The following TNKS variants were observed in gnomAD, a reference collection of about 807,000 sequenced individuals.
TNKS encodes tankyrase, also known as poly [ADP-ribose] polymerase tankyrase-1.
TNKS carries 72 observed loss-of-function variants against 135.8 expected under a neutral mutation model. That is an observed-to-expected ratio of 0.53 (90% confidence interval 0.44 to 0.64). The LOEUF (loss-of-function observed/expected upper bound fraction) is 0.64, where lower values mean the gene tolerates loss of function less well. Ranked by LOEUF, TNKS falls within the 30% of genes least tolerant of loss-of-function variation. TNKS has a pLI of 0.00. For missense variants in TNKS, 1,769 were observed against 1,674.0 expected (o/e 1.06, Z -0.99); for synonymous variants, 849 against 649.3 (o/e 1.31, Z -4.68).
chr8:9,746,250 A>G (rs1806228963), intron 17 of TNKS, among the ~76,000 whole-genome samples: 1 of 152,224 alleles, frequency 6.6e-6, no homozygotes, highest in African/African-American at 2.4e-5. Flanking sequence ...AACCAGCCTA[A>G]CATCCTAAAT....
intron 1 of TNKS, chr8:9,575,145 G>T (rs1797898308): frequency 2.3e-6 from 2 of 876,966 alleles, no homozygotes; most frequent in South Asian, 5.3e-5. Flanking sequence ...GGAGTATAGG[G>T]GCGCGATCTC....
chr8:9,716,781 C>T (rs2128811216), intron 11 of TNKS, among the ~76,000 whole-genome samples: 1 of 151,890 alleles, frequency 6.6e-6, no homozygotes, highest in East Asian at 1.9e-4. Context: ...ATTCTTCTTT[C>T]TGCAGACTGG....
intron 25 of TNKS, among the ~76,000 whole-genome samples, chr8:9,768,307 T>G (rs1807590549): frequency 6.6e-6 from 1 of 152,176 alleles, no homozygotes; most frequent in South Asian, 2.1e-4. Flanking sequence ...ATTCATGAGC[T>G]GGCCACAGTC....
chr8:9,606,133 G>A (rs1033778884), intron 2 of TNKS, among the ~76,000 whole-genome samples: 1 of 90,402 alleles, frequency 1.1e-5, no homozygotes, highest in Non-Finnish European at 2.2e-5. Context: ...TTTGTGTGGT[G>A]TGCGGTAAGA....
chr8:9,661,265 T>C (rs919321771), intron 3 of TNKS, among the ~76,000 whole-genome samples: 19 of 152,112 alleles, frequency 1.2e-4, no homozygotes, highest in Non-Finnish European at 2.1e-4. Context: ...AAAAAGAGCC[T>C]GCATTGCCAA....
intron 12 of TNKS, among the ~76,000 whole-genome samples, chr8:9,722,990 T>C (rs1256108251): frequency 6.6e-6 from 1 of 152,150 alleles, no homozygotes; most frequent in Admixed American, 6.5e-5. Context: ...TTTCTTCGAT[T>C]ATTTTGATAA....
At chr8:9,727,074 T>C (rs945994151) in intron 13 of TNKS, among the ~76,000 whole-genome samples, 3 of 152,214 alleles carry the variant, frequency 2.0e-5, no homozygotes, top group Non-Finnish European at 4.4e-5. Context: ...ATTCACAAAA[T>C]GTATAAACTA....
At chr8:9,704,617 T>C (rs771595678) in intron 5 of TNKS, 46 bp from the exon 6 acceptor site, 1 of 1,472,848 alleles carries the variant, frequency 6.8e-7, no homozygotes, top group Non-Finnish European at 9.4e-7. Flanking sequence ...AGGATTTTCT[T>C]TGTTTGTTTG....
chr8:9,754,962 T>G (rs1341172389), intron 20 of TNKS, among the ~76,000 whole-genome samples: 1 of 152,244 alleles, frequency 6.6e-6, no homozygotes, highest in Non-Finnish European at 1.5e-5. Flanking sequence ...CATTATACTC[T>G]GCTGTTCCCA....
chr8:9,590,314 A>G (rs913960483), intron 2 of TNKS, among the ~76,000 whole-genome samples: 1 of 151,742 alleles, frequency 6.6e-6, no homozygotes, highest in African/African-American at 2.4e-5. Flanking sequence ...TGCCTGCGGT[A>G]CTCTTTCCCC....
intron 3 of TNKS, among the ~76,000 whole-genome samples, chr8:9,640,105 C>A (rs917409352): frequency 6.6e-6 from 1 of 152,072 alleles, no homozygotes; most frequent in African/African-American, 2.4e-5. Context: ...CTTGATTATA[C>A]CAAAGTTAGG....
At position 9,709,963 on chromosome 8, in the gene TNKS, T is replaced by C. The variant is rs368779508; in HGVS notation, c.1587T>C (p.Ala529=). The change falls in exon 10 of 27, where the codon GCT becomes GCC. Residue 529 remains alanine, a synonymous_variant. Transcript: ENST00000310430. ...TTTTGTTTACTTTATAGCACTGTGCTGTGGCCTCTCTGCATCCCAAACGTA... is the reference window on the plus strand; with the variant it reads ...TTTTGTTTACTTTATAGCACTGTGCCGTGGCCTCTCTGCATCCCAAACGTA... The part of the protein sequence containing the change: ...PQSHETALHC[A]VASLHPKRKQ... The C allele has an allele frequency of 3.8e-5, 61 of 1,613,568 alleles. No individual in the cohort carries two copies. The East Asian group carries it at 5.3e-4, about 14-fold the overall frequency.
rs142079845 is a variant in TNKS at position 9,707,515 on chromosome 8, C to T, written c.1456+518C>T. 3.0e-3 allele frequency among the ~76,000 whole-genome samples: 456 copies of T among 152,206 alleles called. 3 individuals carry two copies. Among genetic ancestry groups the T allele is most frequent in the African/African-American group, 0.01 (430 of 41,528 alleles). ...GCTGCACAATCATATTTTTATTTGT[C>T]ATGTGTGTTATGACCCAAGTATAAT... On this transcript the variant is annotated intron_variant, in intron 8 of 26. Coordinates refer to ENST00000310430, the MANE Select transcript of TNKS (RefSeq NM_003747.3).
At chr8:9,605,389 G>C (rs1366519233) in intron 2 of TNKS, among the ~76,000 whole-genome samples, 3 of 151,906 alleles carry the variant, frequency 2.0e-5, no homozygotes, top group African/African-American at 4.8e-5. Flanking sequence ...GCTATAGTTT[G>C]CTTCAGATTT....
At chr8:9,726,358 G>A (rs2128815235) in intron 12 of TNKS, among the ~76,000 whole-genome samples, 1 of 152,232 alleles carries the variant, frequency 6.6e-6, no homozygotes, top group South Asian at 2.1e-4. Context: ...CCACTGCACT[G>A]CAGCCTTGGT....
intron 2 of TNKS, among the ~76,000 whole-genome samples, chr8:9,596,390 C>T (rs542381423): frequency 6.6e-6 from 1 of 152,160 alleles, no homozygotes; most frequent in Non-Finnish European, 1.5e-5. Flanking sequence ...TCATTCTCAA[C>T]TGACCAAGCT....
chr8:9,714,220 G>A (rs1456029856), intron 11 of TNKS, among the ~76,000 whole-genome samples: 1 of 152,092 alleles, frequency 6.6e-6, no homozygotes, highest in Non-Finnish European at 1.5e-5. Context: ...ACCTAGACAG[G>A]CATGCTTTTG....
chr8:9,581,747 G>C (rs1275506898), intron 2 of TNKS, among the ~76,000 whole-genome samples: 3 of 152,054 alleles, frequency 2.0e-5, no homozygotes, highest in Non-Finnish European at 4.4e-5. Context: ...TCAGTCTTCT[G>C]TTTTCCTGCC....
intron 14 of TNKS, 133 bp downstream of exon 14, chr8:9,731,168 C>T (rs1805419178): frequency 2.5e-6 from 3 of 1,183,478 alleles, no homozygotes; most frequent in Non-Finnish European, 3.4e-6. Context: ...TAAATTAAAA[C>T]ATAGAAATGT....
Sources: allele counts gnomAD v4.1 joint callset (sites outside exome capture counted in the v4.1 genomes callset), GRCh38; gene constraint gnomAD v4.1.1; transcripts MANE v1.5; gene names NCBI Gene and HGNC (gene_info 2026-07-23, HGNC 2026-07-21).